The following PCDHGB1 variants were observed in gnomAD, a reference collection of about 807,000 sequenced individuals.
PCDHGB1 encodes the protein protocadherin gamma-B1.
In PCDHGB1, 34 loss-of-function variants were observed where a neutral mutation model predicts 56.6. The ratio of observed to expected loss-of-function variants is 0.60; its 90% confidence interval spans 0.46 to 0.80. PCDHGB1 has a LOEUF of 0.80. PCDHGB1 is among the 30% of genes least tolerant of loss of function. The pLI, the probability that PCDHGB1 is intolerant of heterozygous loss-of-function variation, is 0.00. For missense variants in PCDHGB1, 1,278 were observed against 1,204.6 expected (o/e 1.06, Z -0.90); for synonymous variants, 561 against 505.9 (o/e 1.11, Z -1.46).
chr5:141,381,932 C>T lies in PCDHGB1; in HGVS notation c.2409+29263C>T, dbSNP rs1205042648. Among the ~76,000 whole-genome samples the T allele has an allele frequency of 2.1e-5, 3 of 144,772 alleles. No homozygotes were observed. The Admixed American group carries it at 2.2e-4, about 11-fold the overall frequency. The allele number at this position is 144,772 out of a possible 152,430, so 95.0% of individuals were successfully genotyped here. A position where few individuals can be genotyped will look rare whatever the true frequency, so the allele number is the denominator to read the frequency against. ...ACAACCTCCACCTCCCGGGTTCAAG[C>T]GATTTTCCTGCCTCAGCCTCCTGAG... is the stretch of plus-strand genomic sequence containing the variant. On this transcript the variant is annotated intron_variant, in intron 1 of 3. Transcript: ENST00000523390.
At chr5:141,495,089 C>G (rs1440289878) in intron 2 of PCDHGB1, among the ~76,000 whole-genome samples, 2 of 152,284 alleles carry the variant, frequency 1.3e-5, no homozygotes, top group East Asian at 3.9e-4. Flanking sequence ...TGCCCCTTCC[C>G]TCCTCGCCAC....
intron 1 of PCDHGB1, among the ~76,000 whole-genome samples, chr5:141,483,889 CT>C (rs1298469461): frequency 6.6e-6 from 1 of 151,866 alleles, no homozygotes; most frequent in Admixed American, 6.6e-5. Flanking sequence ...TTCTATTTCT[CT>C]GAGCTCTGGT....
chr5:141,412,987 A>C lies in PCDHGB1; in HGVS notation c.2409+60318A>C, dbSNP rs192699644. Reference sequence around the variant, plus strand: ...AGGAGAGAAAACGCAGCCAGAGCTCAATCCGGATTCTCAGGGCTTCAACTA... The same window carrying C: ...AGGAGAGAAAACGCAGCCAGAGCTCCATCCGGATTCTCAGGGCTTCAACTA... On this transcript the variant is annotated intron_variant, in intron 1 of 3. Transcript: ENST00000523390. The C allele has an allele frequency of 5.3e-6, 3 of 564,534 alleles. No homozygotes were observed. In the African/African-American group the frequency reaches 5.7e-5, roughly 11 times the overall value. The allele number at this position is 564,534 out of a possible 1,614,324, so 35.0% of individuals were successfully genotyped here.
At chr5:141,388,652 C>T in intron 1 of PCDHGB1, 1 of 1,613,844 alleles carries the variant, frequency 6.2e-7, no homozygotes, top group African/African-American at 1.3e-5. Context: ...AAAACGTGTA[C>T]CCGGGGACCA....
Position 141,351,380 on chromosome 5 carries a change from C to A in PCDHGB1, c.1120C>A (p.Gln374Lys). 1 of 1,612,118 alleles carries A rather than the reference C, an allele frequency of 6.2e-7. No homozygotes were observed. Among genetic ancestry groups the A allele is most frequent in the Non-Finnish European group, 8.5e-7 (1 of 1,178,984 alleles). The change falls in exon 1 of 4, where the codon CAA becomes AAA. Residue 374 changes from glutamine (Q) to lysine (K), a missense_variant. Coordinates refer to ENST00000523390, the MANE Select transcript of PCDHGB1 (RefSeq NM_018922.3). Reference sequence around the variant, plus strand: ...AAAAGTGCGAGACAAGGATTCTGGGCAAAATGGCATGGTGACATGCTATAC... The same window carrying A: ...AAAAGTGCGAGACAAGGATTCTGGGAAAAATGGCATGGTGACATGCTATAC... ...LIKVRDKDSGQNGMVTCYTQE... is the reference protein window; with the variant it reads ...LIKVRDKDSGKNGMVTCYTQE...
At chr5:141,450,551 G>T (rs2098684306) in intron 1 of PCDHGB1, among the ~76,000 whole-genome samples, 1 of 150,822 alleles carries the variant, frequency 6.6e-6, no homozygotes, top group Admixed American at 6.6e-5. Flanking sequence ...CAGTGGCGCA[G>T]TCTCGGCTCA....
At chr5:141,385,006 G>A (rs762264055) in intron 1 of PCDHGB1, 10 of 1,613,972 alleles carry the variant, frequency 6.2e-6, no homozygotes, top group East Asian at 2.2e-5. Context: ...AGTCTCCTGC[G>A]TCTTCCTAGC....
intron 1 of PCDHGB1, chr5:141,413,167 C>G: frequency 6.3e-7 from 1 of 1,590,828 alleles, no homozygotes; most frequent in Non-Finnish European, 8.6e-7. Context: ...ATTCTGTAAC[C>G]AGACTACAAT....
chr5:141,422,616 C>T, intron 1 of PCDHGB1: 1 of 1,613,714 alleles, frequency 6.2e-7, no homozygotes. Flanking sequence ...CCTACATTCC[C>T]GAAAACAACC....
intron 1 of PCDHGB1, chr5:141,387,722 C>G: frequency 8.6e-7 from 1 of 1,159,212 alleles, no homozygotes; most frequent in Non-Finnish European, 1.2e-6. Flanking sequence ...TCAGACTCCC[C>G]AGCGCCAGCC....
chr5:141,370,950 C>T (rs78666647), intron 1 of PCDHGB1: 61,748 of 1,613,994 alleles, frequency 0.038, 1,384 homozygotes, highest in Middle Eastern at 0.054. Flanking sequence ...GAAGGAGAAC[C>T]TGGATGGCAG....
rs1561869085 is a variant in PCDHGB1, at chr5:141,433,357, GCCTA to G, written c.2410-61449_2410-61446del. On this transcript the variant is annotated intron_variant, in intron 1 of 3. Transcript: ENST00000523390. ...TACAGGTGCAAGCCACCTACTGTCT[GCCTA>G]TCTATCTATCTATCTATCTATCTAT... is the stretch of plus-strand genomic sequence containing the variant. 3 of 568,974 alleles carry G rather than the reference GCCTA, an allele frequency of 5.3e-6. No homozygotes were observed. In the African/African-American group the frequency reaches 6.4e-5, roughly 12 times the overall value. The allele number at this position is 568,974 out of a possible 1,614,324, so 35.2% of individuals were successfully genotyped here.
rs2099383865 is a variant in PCDHGB1, at chr5:141,476,005, A to G, written c.2410-18802A>G. 1 of 1,267,576 alleles carries G rather than the reference A, an allele frequency of 7.9e-7. No homozygotes were observed. Among genetic ancestry groups the G allele is most frequent in the East Asian group, 2.3e-5 (1 of 42,864 alleles). 78.5% of individuals were successfully genotyped at this position (1,267,576 alleles called of 1,614,324 possible). A position where few individuals can be genotyped will look rare whatever the true frequency, so the allele number is the denominator to read the frequency against. ...CGGCGAGCAAATCAACGGCATCCAG[A>G]AAGCCATGTCGGACTCGGCGCCCAG... On this transcript the variant is annotated intron_variant, in intron 1 of 3. Coordinates refer to ENST00000523390, the MANE Select transcript of PCDHGB1 (RefSeq NM_018922.3). This position sits in a 1 kb window ranked among gnomAD's most constrained non-coding sequence, Gnocchi z 7.6.
chr5:141,413,049 A>C (rs2095599926), intron 1 of PCDHGB1: 5 of 904,176 alleles, frequency 5.5e-6, no homozygotes, highest in Non-Finnish European at 8.1e-6. Context: ...GCTGCAGGGA[A>C]GCTCACTCCA....
intron 1 of PCDHGB1, among the ~76,000 whole-genome samples, chr5:141,459,376 G>A (rs72790056): frequency 0.022 from 3,347 of 152,266 alleles, 53 homozygotes; most frequent in South Asian, 0.04. Flanking sequence ...TATCAGCAGC[G>A]TGTTCCATTT....
At chr5:141,497,499 C>G (rs1217418941) in intron 2 of PCDHGB1, among the ~76,000 whole-genome samples, 3 of 151,416 alleles carry the variant, frequency 2.0e-5, no homozygotes, top group Non-Finnish European at 4.4e-5. Context: ...TCTCTCTCCT[C>G]TCTCTGCTTC....
intron 1 of PCDHGB1, chr5:141,356,007 A>T: frequency 6.2e-7 from 1 of 1,613,952 alleles, no homozygotes; most frequent in Non-Finnish European, 8.5e-7. Context: ...CCACTGATCC[A>T]GATGAAGGAG....
chr5:141,430,855 C>T, intron 1 of PCDHGB1: 7 of 1,588,596 alleles, frequency 4.4e-6, no homozygotes, highest in Non-Finnish European at 6.0e-6. Context: ...CCCAGATACG[C>T]TATTCAGTTC....
At position 141,431,365 on chromosome 5, in the gene PCDHGB1, C is replaced by T. The variant is rs2097365932; in HGVS notation, c.2410-63442C>T. ...TGGTGCTGAAACGCGCCCTGGACCG[C>T]GAAGAAAAGGCTGCTCACCACCTGG... On this transcript the variant is annotated intron_variant, in intron 1 of 3. Coordinates refer to ENST00000523390, the MANE Select transcript of PCDHGB1 (RefSeq NM_018922.3). The surrounding 1 kb of genome is among the most constrained non-coding windows in gnomAD (Gnocchi z 4.8). 6 of 1,613,980 alleles carry T rather than the reference C, an allele frequency of 3.7e-6. No homozygotes were observed. Among genetic ancestry groups the T allele is most frequent in the Non-Finnish European group, 5.1e-6 (6 of 1,180,028 alleles).
Sources: gnomAD v4.1 joint callset for allele counts (sites outside exome capture counted in the v4.1 genomes callset) on GRCh38, gnomAD v4.1.1 for gene constraint, Gnocchi (gnomAD v3.1) non-coding constraint, MANE v1.5 for transcripts, NCBI Gene and HGNC (gene_info 2026-07-23, HGNC 2026-07-21) for gene names.